Variants in SACS observed in about 807,000 individuals in gnomAD.
The protein encoded by SACS is sacsin.
Under a neutral mutation model 348.0 loss-of-function variants are expected in SACS, and 197 were observed. The observed-to-expected ratio is 0.57, with a 90% CI of 0.50 to 0.64. SACS has a LOEUF of 0.64. SACS is among the 30% of genes least tolerant of loss of function. The pLI is 0.00. For missense variants in SACS, 4,999 were observed against 5,360.8 expected, an observed-to-expected ratio of 0.93 and a Z score of 2.11; for synonymous variants, 1,985 against 1,910.6, an observed-to-expected ratio of 1.04 and a Z score of -1.02.
intron 2 of SACS, among the ~76,000 whole-genome samples, chr13:23,406,408 T>C (rs892292969): frequency 1.3e-5 from 2 of 152,038 alleles, no homozygotes; most frequent in African/African-American, 4.8e-5. Context: ...AGGGATAGCA[T>C]TGGGAGAAAT....
chr13:23,345,344 G>C (rs969374212), intron 9 of SACS, among the ~76,000 whole-genome samples: 1 of 152,084 alleles, frequency 6.6e-6, no homozygotes, highest in African/African-American at 2.4e-5. Context: ...GAAAGAAAAG[G>C]GCAGCCTTCC....
chr13:23,432,403 A>C (rs1249087605), intron 1 of SACS, among the ~76,000 whole-genome samples: 1 of 152,202 alleles, frequency 6.6e-6, no homozygotes, highest in Admixed American at 6.5e-5. Flanking sequence ...AAAATTGCCC[A>C]AACAGCCCAG....
chr13:23,354,462 G>T, intron 8 of SACS, 57 bp downstream of exon 8: 2 of 1,449,610 alleles, frequency 1.4e-6, no homozygotes, highest in South Asian at 1.1e-5. Context: ...CTCTCACAGT[G>T]AGCAGGAGCA....
chr13:23,400,849 T>C (rs1872945203), intron 2 of SACS, among the ~76,000 whole-genome samples: 1 of 152,192 alleles, frequency 6.6e-6, no homozygotes, highest in Admixed American at 6.5e-5. Context: ...AAACAAAACC[T>C]TGATCTACAA....
rs769953959 is a variant in SACS at position 23,329,502 on chromosome 13, T to TA, written c.*633dup. The TA allele has an allele frequency of 1.2e-4, 91 of 733,736 alleles. No homozygotes were observed. Among genetic ancestry groups the TA allele is most frequent in the East Asian group, 7.0e-4 (28 of 40,090 alleles). 45.5% of individuals were successfully genotyped at this position (733,736 alleles called of 1,614,324 possible). A position where few individuals can be genotyped will look rare whatever the true frequency, so the allele number is the denominator to read the frequency against. Reference sequence around the variant, plus strand: ...CAGGAAGCCTGTAAACATAAGATGTTAAAAAAAAATTTAAATAAAGATGTA... The same window carrying TA: ...CAGGAAGCCTGTAAACATAAGATGTTAAAAAAAAAATTTAAATAAAGATGTA... On this transcript the variant is annotated 3_prime_UTR_variant, in exon 10 of 10. Transcript: ENST00000382292.
rs1184437556 is a variant in SACS, at chr13:23,330,576, C to A, written c.13300G>T (p.Val4434Phe). 6.2e-7 allele frequency: 1 copy of A among 1,614,024 alleles called. No individual in the cohort carries two copies. The highest frequency in any genetic ancestry group is 1.1e-5 in the South Asian group (1 of 91,076). The change falls in exon 10 of 10, where the codon GTT becomes TTT. Residue 4434 changes from valine (V) to phenylalanine (F), a missense_variant. Val to Phe is a conservative substitution (Grantham distance 50). Transcript: ENST00000382292. ...AGQTYSQRFF[V>F]PPTFKSVGNP... Reference sequence around the variant, plus strand: ...CCAACCGACTTGAAAGTGGGAGGAACAAAGAACCTTTGAGAGTAAGTCTGT... The same window carrying A: ...CCAACCGACTTGAAAGTGGGAGGAAAAAAGAACCTTTGAGAGTAAGTCTGT...
Position 23,333,110 on chromosome 13 carries a change from A to G in SACS, c.10766T>C (p.Ile3589Thr), listed in dbSNP as rs551720360. Residue 3589 changes from isoleucine (I) to threonine (T), a missense_variant, in exon 10 of 10, where the codon ATT (isoleucine) becomes ACT (threonine). Physicochemically the swap from Ile to Thr is moderately conservative, Grantham distance 89 (BLOSUM62 -1). Transcript: ENST00000382292. Reference sequence around the variant, plus strand: ...CTGAGAAAGTATGTATTTTAGTCCAATATTTCTTAAGAATTCCACCCAGGA... The same window carrying G: ...CTGAGAAAGTATGTATTTTAGTCCAGTATTTCTTAAGAATTCCACCCAGGA... ...MTSWVEFLRN[I>T]GLKYILSQQQ... The G allele has an allele frequency of 4.3e-6, 7 of 1,613,610 alleles. No individual in the cohort carries two copies. In the Admixed American group the frequency reaches 8.3e-5, roughly 19 times the overall value.
Position 23,332,571 on chromosome 13 carries a change from T to C in SACS, c.11305A>G (p.Arg3769Gly). 1 of 1,613,914 alleles carries C rather than the reference T, an allele frequency of 6.2e-7. No individual in the cohort carries two copies. The highest frequency in any genetic ancestry group is 8.5e-7 in the Non-Finnish European group (1 of 1,179,916). ...TATATGCTCCTTAAGACTTTTGCTCTAGTTTTTACCATTTCTTCATCCAAC... is the reference window on the plus strand; with the variant it reads ...TATATGCTCCTTAAGACTTTTGCTCCAGTTTTTACCATTTCTTCATCCAAC... ...TTLDEEMVKT[R>G]AKVLRSIYEF... is the part of the protein sequence containing the mutation. The change falls in exon 10 of 10, where the codon AGA becomes GGA. Residue 3769 changes from arginine to glycine, a missense_variant. By Grantham distance (125) the Arg-to-Gly change is moderately radical. This residue lies in a region of SACS where 831 missense variants were observed against 941.8 expected (regional missense o/e 0.88). Coordinates refer to ENST00000382292, the MANE Select transcript of SACS (RefSeq NM_014363.6).
At chr13:23,428,177 G>T (rs1874269635) in intron 1 of SACS, 1 of 152,084 alleles carries the variant, frequency 6.6e-6, no homozygotes, top group Admixed American at 6.6e-5. Context: ...TCATCCTTTT[G>T]GTTCAACCAA....
intron 8 of SACS, among the ~76,000 whole-genome samples, chr13:23,354,181 T>C (rs1199617680): frequency 6.6e-6 from 1 of 152,224 alleles, no homozygotes; most frequent in East Asian, 1.9e-4. Context: ...TATACTATTT[T>C]TCATGAATTT....
intron 2 of SACS, among the ~76,000 whole-genome samples, chr13:23,393,169 T>C (rs1872593117): frequency 1.3e-5 from 2 of 152,142 alleles, no homozygotes; most frequent in Admixed American, 6.5e-5. Flanking sequence ...CCTAAGCCCA[T>C]GTGAGACGTC....
At chr13:23,359,107 G>A (rs894059953) in intron 6 of SACS, among the ~76,000 whole-genome samples, 14 of 152,042 alleles carry the variant, frequency 9.2e-5, no homozygotes, top group African/African-American at 1.7e-4. Flanking sequence ...GCTTGAACCC[G>A]AGAGGCAGAG....
chr13:23,389,090 G>A (rs946606674), intron 2 of SACS, among the ~76,000 whole-genome samples: 14 of 152,024 alleles, frequency 9.2e-5, no homozygotes, highest in African/African-American at 3.1e-4. Flanking sequence ...AAACTTGTAT[G>A]TGTCAATTAC....
Position 23,339,714 on chromosome 13 carries a change from A to C in SACS, c.4162T>G (p.Ser1388Ala). The change falls in exon 10 of 10, where the codon TCT (serine) becomes GCT (alanine). Residue 1388 changes from serine (S) to alanine (A), a missense_variant. Physicochemically the swap from Ser to Ala is moderately conservative, Grantham distance 99. Transcript: ENST00000382292. ...TGAATTGGCTTCATGATAAGTTTAGAAGGATTTTTGCTATGATGTATAGGA... is the reference window on the plus strand; with the variant it reads ...TGAATTGGCTTCATGATAAGTTTAGCAGGATTTTTGCTATGATGTATAGGA... ...PVPIHHSKNP[S>A]KLIMKPIHEC... The C allele has an allele frequency of 6.2e-7, 1 of 1,614,130 alleles. No homozygotes were observed. The highest frequency in any genetic ancestry group is 8.5e-7 in the Non-Finnish European group (1 of 1,179,988).
intron 6 of SACS, among the ~76,000 whole-genome samples, chr13:23,358,898 G>A (rs1454777621): frequency 1.3e-5 from 2 of 152,030 alleles, no homozygotes; most frequent in South Asian, 2.1e-4. Flanking sequence ...TGGGCTGGGC[G>A]CAGTGGCTCA....
intron 1 of SACS, among the ~76,000 whole-genome samples, chr13:23,418,694 G>C (rs1167483326): frequency 1.3e-5 from 2 of 152,084 alleles, no homozygotes; most frequent in Admixed American, 6.6e-5. Context: ...TTAGTAGAGA[G>C]GGGATTCACC....
At position 23,333,585 on chromosome 13, in the gene SACS, C is replaced by A. The variant is rs144179865; in HGVS notation, c.10291G>T (p.Val3431Leu). Reference sequence around the variant, plus strand: ...GCTGAAGGGATACTTTTTGTAAGTACGTAGCATGTTCCAAATTTTCCAATG... The same window carrying A: ...GCTGAAGGGATACTTTTTGTAAGTAAGTAGCATGTTCCAAATTTTCCAATG... Reference protein sequence around the residue: ...VSIGKFGTCYVLTKSIPSAEV... With the variant: ...VSIGKFGTCYLLTKSIPSAEV... Residue 3431 changes from valine to leucine, a missense_variant, in exon 10 of 10, where the codon GTA (valine) becomes TTA (leucine). Physicochemically the swap from Val to Leu is conservative, Grantham distance 32. Coordinates refer to ENST00000382292, the MANE Select transcript of SACS (RefSeq NM_014363.6). 6.8e-6 allele frequency: 11 copies of A among 1,613,444 alleles called. No individual in the cohort carries two copies. In the Middle Eastern group the frequency reaches 4.9e-4, roughly 72 times the overall value.
At position 23,335,092 on chromosome 13, in the gene SACS, C is replaced by A. The variant is rs146554323; in HGVS notation, c.8784G>T (p.Gln2928His). The change falls in exon 10 of 10, where the codon CAG (glutamine) becomes CAT (histidine). Residue 2928 changes from glutamine (Q) to histidine (H), a missense_variant. Coordinates refer to ENST00000382292, the MANE Select transcript of SACS (RefSeq NM_014363.6). The surrounding 1 kb of genome is among the most constrained non-coding windows in gnomAD (Gnocchi z 4.7). ...IAPAYVELLI[Q>H]LKKRYFPGSD... is the part of the protein sequence containing the mutation. The stretch of plus-strand genomic sequence containing the variant: ...AACCAGGGAAATACCGTTTTTTTAA[C>A]TGTATTAGCAATTCAACATATGCAG... 1.2e-6 allele frequency: 2 copies of A among 1,613,070 alleles called. No individual in the cohort carries two copies. The highest frequency in any genetic ancestry group is 2.7e-5 in the African/African-American group (2 of 74,838).
At chr13:23,405,030 G>A (rs1441161566) in intron 2 of SACS, among the ~76,000 whole-genome samples, 1 of 151,998 alleles carries the variant, frequency 6.6e-6, no homozygotes, top group East Asian at 1.9e-4. Flanking sequence ...AGCTACCATT[G>A]ATTTTCTTCA....
Sources: allele counts gnomAD v4.1 joint callset (sites outside exome capture counted in the v4.1 genomes callset), GRCh38; gene constraint gnomAD v4.1.1; regional missense constraint gnomAD v4.1.1; non-coding constraint Gnocchi (gnomAD v3.1); transcripts MANE v1.5; gene names NCBI Gene and HGNC (gene_info 2026-07-23, HGNC 2026-07-21).